CAMKK2: variants seen among roughly 807,000 people sequenced by gnomAD.
The protein encoded by CAMKK2 is calcium/calmodulin-dependent protein kinase kinase 2.
In CAMKK2, 30 loss-of-function variants were observed where a neutral mutation model predicts 67.2. The ratio of observed to expected loss-of-function variants is 0.45; its 90% CI spans 0.33 to 0.61. CAMKK2 has a LOEUF of 0.61. Among genes scored for constraint, CAMKK2 ranks in the 20% least tolerant of loss-of-function variants. The pLI is 0.02. For synonymous variants in CAMKK2, 322 were observed against 326.2 expected, an observed-to-expected ratio of 0.99 and a Z score of 0.14; for missense variants, 643 against 802.0, an observed-to-expected ratio of 0.80 and a Z score of 2.39.
Position 121,240,715 on chromosome 12 carries a change from G to A in CAMKK2, c.1751C>T (p.Ala584Val). Reference sequence around the variant, plus strand: ...TCCAGGCAGCTACTCGGGCTCCATGGCCTCCTCCGGCCGCAGTGGATGCAT... The same window carrying A: ...TCCAGGCAGCTACTCGGGCTCCATGACCTCCTCCGGCCGCAGTGGATGCAT... ...ARMHPLRPEEAMEPE is the reference protein window; with the variant it reads ...ARMHPLRPEEVMEPE Residue 584 changes from alanine (A) to valine (V), a missense_variant, in exon 17 of 17, where the codon GCC becomes GTC. Coordinates refer to ENST00000404169, the MANE Select transcript of CAMKK2 (RefSeq NM_001270485.2). The surrounding 1 kb of genome is among the most constrained non-coding windows in gnomAD (Gnocchi z 4.4). 4 of 1,604,000 alleles carry A rather than the reference G, an allele frequency of 2.5e-6. No individual in the cohort carries two copies. The highest frequency in any genetic ancestry group is 2.2e-5 in the South Asian group (2 of 90,264).
rs985875677 is a variant in CAMKK2, at chr12:121,239,396, C to G, written c.*1303G>C. 1 of 152,216 alleles carries G rather than the reference C, an allele frequency of 6.6e-6. No individual in the cohort carries two copies. The allele number at this position is 152,216 out of a possible 1,614,324, so 9.4% of individuals were successfully genotyped here. On this transcript the variant is annotated 3_prime_UTR_variant, in exon 17 of 17. Transcript: ENST00000404169. ...TCAGTTGGAAGTCAAAAAGATGAAC[C>G]CTTTCTTTCTGGACTTTTAGCTACA...
chr12:121,256,620 T>C (rs1721525623), intron 7 of CAMKK2, among the ~76,000 whole-genome samples: 1 of 152,196 alleles, frequency 6.6e-6, no homozygotes, highest in Admixed American at 6.6e-5. Context: ...TTGCCTGTTC[T>C]GGACATTTCA....
At chr12:121,295,928 G>A (rs1247677835) in intron 1 of CAMKK2, among the ~76,000 whole-genome samples, 1 of 151,482 alleles carries the variant, frequency 6.6e-6, no homozygotes, top group Non-Finnish European at 1.5e-5. Context: ...CCCAGGCACA[G>A]AGCCCCAATG....
chr12:121,280,695 T>TTTG (rs1243760554), intron 1 of CAMKK2, among the ~76,000 whole-genome samples: 1 of 152,080 alleles, frequency 6.6e-6, no homozygotes, highest in Non-Finnish European at 1.5e-5. Flanking sequence ...TCTCTTATGG[T>TTTG]CGAGATTGCA....
At chr12:121,264,027 A>G in intron 5 of CAMKK2, 88 bp from the exon 6 acceptor site, 1 of 1,346,276 alleles carries the variant, frequency 7.4e-7, no homozygotes, top group Non-Finnish European at 9.9e-7. Context: ...AAAAGGTGGG[A>G]TGCCAAAAAG....
intron 1 of CAMKK2, among the ~76,000 whole-genome samples, chr12:121,292,589 A>G (rs937579123): frequency 3.3e-5 from 5 of 152,342 alleles, no homozygotes; most frequent in African/African-American, 1.2e-4. Context: ...CAGCAGCACC[A>G]TGCAGCCAGC....
chr12:121,288,710 C>T (rs1899304346), intron 1 of CAMKK2, among the ~76,000 whole-genome samples: 1 of 152,126 alleles, frequency 6.6e-6, no homozygotes, highest in Non-Finnish European at 1.5e-5. Flanking sequence ...AGGGGCAACA[C>T]CTTGGCCTCC....
intron 6 of CAMKK2, among the ~76,000 whole-genome samples, chr12:121,260,762 G>A (rs563859224): frequency 4.6e-5 from 7 of 152,218 alleles, no homozygotes; most frequent in African/African-American, 1.7e-4. Flanking sequence ...ATACCAGCCT[G>A]ACCAACATGG....
In CAMKK2 at chr12:121,255,303, T is replaced by TA. The variant is rs1566059298; in HGVS notation, c.907+246_907+247insT. ...TTATATATATAATTATATATATAAT[T>TA]TTATATATAATTTTATATATATATA... is the stretch of plus-strand genomic sequence containing the variant. On this transcript the variant is annotated intron_variant, in intron 9 of 16. Coordinates refer to ENST00000404169, the MANE Select transcript of CAMKK2 (RefSeq NM_001270485.2). 4.0e-3 allele frequency among the ~76,000 whole-genome samples: 93 copies of TA among 22,988 alleles called. 6 individuals are homozygous for TA. The highest frequency in any genetic ancestry group is 5.9e-3 in the Non-Finnish European group (61 of 10,280). 15.1% of individuals were successfully genotyped at this position (22,988 alleles called of 152,430 possible). A position where few individuals can be genotyped will look rare whatever the true frequency, so the allele number is the denominator to read the frequency against.
chr12:121,248,012 G>A (rs1236364392), intron 14 of CAMKK2, among the ~76,000 whole-genome samples: 2 of 152,172 alleles, frequency 1.3e-5, no homozygotes, highest in African/African-American at 4.8e-5. Context: ...CCTGGACAGG[G>A]ACTTGGTCAG....
At chr12:121,280,678 G>A (rs1011798666) in intron 1 of CAMKK2, among the ~76,000 whole-genome samples, 11 of 152,064 alleles carry the variant, frequency 7.2e-5, no homozygotes, top group South Asian at 2.1e-4. Flanking sequence ...CCCCCGGGGC[G>A]TACCTGTCTC....
At chr12:121,280,677 C>T (rs1436869364) in intron 1 of CAMKK2, among the ~76,000 whole-genome samples, 1 of 152,074 alleles carries the variant, frequency 6.6e-6, no homozygotes, top group African/African-American at 2.4e-5. Context: ...CCCCCCGGGG[C>T]GTACCTGTCT....
chr12:121,271,023 C>T (rs753494484), intron 2 of CAMKK2, 78 bp from the exon 3 acceptor site: 4 of 1,180,480 alleles, frequency 3.4e-6, no homozygotes, highest in South Asian at 1.2e-5. Flanking sequence ...CTCACACCTA[C>T]AAGCCCTTCA....
chr12:121,294,028 G>A (rs566513320), intron 1 of CAMKK2, among the ~76,000 whole-genome samples: 2 of 152,164 alleles, frequency 1.3e-5, no homozygotes, highest in Non-Finnish European at 1.5e-5. Context: ...CGCCTTCCAG[G>A]TTCAAGTGAT....
intron 15 of CAMKK2, 38 bp from the exon 16 acceptor site, chr12:121,244,653 G>A (rs1197226482): frequency 6.6e-7 from 1 of 1,508,550 alleles, no homozygotes; most frequent in Non-Finnish European, 9.0e-7. Flanking sequence ...GAAGTGAGAA[G>A]GGACCCTTGG....
chr12:121,265,666 A>G (rs572150061), intron 5 of CAMKK2, among the ~76,000 whole-genome samples: 1 of 152,160 alleles, frequency 6.6e-6, no homozygotes, highest in South Asian at 2.1e-4. Flanking sequence ...CAGGAGATCG[A>G]GACCATCCTG....
upstream of CAMKK2, chr12:121,296,762 GGGGCGGGAGGAGCCGCCCGGCTCGGCTT>G (rs1039779249): frequency 6.8e-6 from 1 of 146,656 alleles, no homozygotes; most frequent in Non-Finnish European, 1.5e-5. This position sits in a 1 kb window ranked among gnomAD's most constrained non-coding sequence, Gnocchi z 7.1. Context: ...GCGGGGGGCG[GGGGCGGGAGGAGCCGCCCGGCTCGGCTT>G]GGGCGCGTCG....
Position 121,274,486 on chromosome 12 carries a change from G to T in CAMKK2, c.41C>A (p.Ala14Asp). The change falls in exon 2 of 17, where the codon GCC becomes GAC. Residue 14 changes from alanine to aspartate, a missense_variant. This residue lies in a region of CAMKK2 where 483 missense variants were observed against 625.8 expected (regional missense o/e 0.77). Coordinates refer to ENST00000404169, the MANE Select transcript of CAMKK2 (RefSeq NM_001270485.2). ...GCCCCCCAGCTCATCCTGGGGGGCG[G>T]CCCGGTTGCTGCTGGGCTGGCTAGA... ...CVSSQPSSNR[A>D]APQDELGGRG... is the part of the protein sequence containing the mutation. The T allele has an allele frequency of 2.5e-6, 4 of 1,612,556 alleles. No individual in the cohort carries two copies. Among genetic ancestry groups the T allele is most frequent in the Non-Finnish European group, 3.4e-6 (4 of 1,179,930 alleles).
Position 121,245,714 on chromosome 12 carries a change from C to A in CAMKK2, c.1453-474G>T, listed in dbSNP as rs1009363884. On this transcript the variant is annotated intron_variant, in intron 14 of 16. Coordinates refer to ENST00000404169, the MANE Select transcript of CAMKK2 (RefSeq NM_001270485.2). The surrounding 1 kb of genome is among the most constrained non-coding windows in gnomAD (Gnocchi z 5.8). Reference sequence around the variant, plus strand: ...TGAGGGCCCCATAAGAGTCACTGGGCCCCTCACCCCACCCCAACCAGGGCA... The same window carrying A: ...TGAGGGCCCCATAAGAGTCACTGGGACCCTCACCCCACCCCAACCAGGGCA... Among the ~76,000 whole-genome samples the A allele has an allele frequency of 6.6e-6, 1 of 152,212 alleles. No homozygotes were observed. The highest frequency in any genetic ancestry group is 2.4e-5 in the African/African-American group (1 of 41,460).
Sources: gnomAD v4.1 joint callset for allele counts (sites outside exome capture counted in the v4.1 genomes callset) on GRCh38, gnomAD v4.1.1 for gene constraint, gnomAD v4.1.1 regional missense constraint, Gnocchi (gnomAD v3.1) non-coding constraint, MANE v1.5 for transcripts, NCBI Gene and HGNC (gene_info 2026-07-23, HGNC 2026-07-21) for gene names.